SLC24A3: variants seen among roughly 807,000 people sequenced by gnomAD.
The protein encoded by SLC24A3 is solute carrier family 24 member 3.
In SLC24A3, 28 loss-of-function variants were observed where a neutral mutation model predicts 75.8. That is an observed-to-expected ratio of 0.37 (90% confidence interval 0.27 to 0.51). The LOEUF is 0.51. Among genes scored for constraint, SLC24A3 ranks in the 20% least tolerant of loss-of-function variants. The pLI is 0.94. For synonymous variants in SLC24A3, 372 were observed against 334.1 expected (o/e 1.11, Z -1.24); for missense variants, 663 against 847.8 (o/e 0.78, Z 2.71).
At chr20:19,346,063 CTATATATATATATATATATATATATA>C (rs763603062) in intron 2 of SLC24A3, among the ~76,000 whole-genome samples, 524 of 21,256 alleles carry the variant, frequency 0.025, 54 homozygotes, top group African/African-American at 0.062. Flanking sequence ...ATAAAGAAAA[CTATATATATATATATATATATATATA>C]TATATATATA....
chr20:19,514,161 C>T (rs139030716), intron 2 of SLC24A3, among the ~76,000 whole-genome samples: 2 of 152,284 alleles, frequency 1.3e-5, no homozygotes, highest in East Asian at 3.9e-4. Flanking sequence ...GTGTCTTGCA[C>T]AAATCCTCCG....
chr20:19,435,347 A>T (rs1355943159), intron 2 of SLC24A3, among the ~76,000 whole-genome samples: 1 of 152,236 alleles, frequency 6.6e-6, no homozygotes, highest in Non-Finnish European at 1.5e-5. Flanking sequence ...ACTTATCTTC[A>T]GTATATGTTT....
intron 9 of SLC24A3, among the ~76,000 whole-genome samples, chr20:19,677,787 G>T (rs1421138057): frequency 1.3e-5 from 2 of 151,268 alleles, no homozygotes; most frequent in African/African-American, 4.9e-5. Flanking sequence ...GACAATAGTG[G>T]AGGGAAGGTC....
At chr20:19,377,902 G>A (rs1228131784) in intron 2 of SLC24A3, among the ~76,000 whole-genome samples, 1 of 152,182 alleles carries the variant, frequency 6.6e-6, no homozygotes, top group African/African-American at 2.4e-5. Context: ...ATTTTTGTAA[G>A]TAAAGTTGTA....
At chr20:19,496,386 A>G (rs1456255005) in intron 2 of SLC24A3, among the ~76,000 whole-genome samples, 1 of 152,192 alleles carries the variant, frequency 6.6e-6, no homozygotes, top group Non-Finnish European at 1.5e-5. Flanking sequence ...ACCCTGTCAC[A>G]TTAAAGGAGC....
At chr20:19,468,982 A>G (rs1056062068) in intron 2 of SLC24A3, among the ~76,000 whole-genome samples, 1 of 152,194 alleles carries the variant, frequency 6.6e-6, no homozygotes, top group Non-Finnish European at 1.5e-5. Context: ...GCCTGGACAG[A>G]TGCAGGAGTT....
intron 2 of SLC24A3, among the ~76,000 whole-genome samples, chr20:19,396,532 A>G (rs1031916838): frequency 6.6e-6 from 1 of 152,224 alleles, no homozygotes; most frequent in Admixed American, 6.5e-5. Flanking sequence ...TGAATGCTCA[A>G]TAGCCACGTT....
intron 6 of SLC24A3, among the ~76,000 whole-genome samples, chr20:19,638,564 T>C (rs1425100533): frequency 6.6e-6 from 1 of 152,214 alleles, no homozygotes; most frequent in Non-Finnish European, 1.5e-5. Flanking sequence ...TCACTTATCA[T>C]ACAGACTTTA....
intron 6 of SLC24A3, among the ~76,000 whole-genome samples, chr20:19,621,745 G>A (rs1278450053): frequency 6.6e-6 from 1 of 152,150 alleles, no homozygotes; most frequent in Non-Finnish European, 1.5e-5. Context: ...GCTGTACCCA[G>A]AACCACATGA....
At chr20:19,219,370 G>A (rs949575138) in intron 1 of SLC24A3, among the ~76,000 whole-genome samples, 35 of 152,256 alleles carry the variant, frequency 2.3e-4, no homozygotes, top group Non-Finnish European at 4.3e-4. Context: ...TAAGACACGG[G>A]GACCTTCACC....
chr20:19,418,297 C>T (rs2122431558), intron 2 of SLC24A3, among the ~76,000 whole-genome samples: 1 of 152,244 alleles, frequency 6.6e-6, no homozygotes, highest in South Asian at 2.1e-4. Flanking sequence ...GGAACAAGAA[C>T]AGCATGCTGT....
chr20:19,494,061 G>C (rs532831166), intron 2 of SLC24A3, among the ~76,000 whole-genome samples: 65 of 152,348 alleles, frequency 4.3e-4, no homozygotes, highest in Non-Finnish European at 7.5e-4. Flanking sequence ...CTGCATGGAG[G>C]GGGAGAGGGT....
chr20:19,681,760 A>G (rs2032618017), intron 9 of SLC24A3, 98 bp from the exon 10 acceptor site: 14 of 1,589,756 alleles, frequency 8.8e-6, no homozygotes, highest in Middle Eastern at 3.3e-4. Flanking sequence ...GTGACTGTGC[A>G]TGCAGACTGG....
intron 9 of SLC24A3, among the ~76,000 whole-genome samples, chr20:19,675,070 G>A (rs2032508379): frequency 6.6e-6 from 1 of 152,078 alleles, no homozygotes; most frequent in South Asian, 2.1e-4. Flanking sequence ...AAATAAATAA[G>A]AATTGTATGA....
At chr20:19,698,832 C>A in intron 15 of SLC24A3, 152 bp downstream of exon 15, 1 of 661,584 alleles carries the variant, frequency 1.5e-6, no homozygotes, top group Non-Finnish European at 2.6e-6. Flanking sequence ...AAAGGCCTTA[C>A]TAGTCAGGCT....
chr20:19,592,282 C>G (rs1376229332), intron 6 of SLC24A3, among the ~76,000 whole-genome samples: 1 of 152,068 alleles, frequency 6.6e-6, no homozygotes, highest in East Asian at 1.9e-4. Context: ...AAATCATTGC[C>G]CATTTGTTAG....
intron 1 of SLC24A3, among the ~76,000 whole-genome samples, chr20:19,239,458 G>A (rs1982271207): frequency 1.3e-5 from 2 of 152,212 alleles, no homozygotes; most frequent in Non-Finnish European, 2.9e-5. Context: ...CTGAGGACCT[G>A]CACGGGCAAC....
At chr20:19,469,619 G>T (rs940779993) in intron 2 of SLC24A3, among the ~76,000 whole-genome samples, 24 of 152,178 alleles carry the variant, frequency 1.6e-4, no homozygotes, top group African/African-American at 5.5e-4. Flanking sequence ...AGCTCTGCCA[G>T]TACATTCCTG....
At chr20:19,342,395 G>C (rs764651500) in intron 2 of SLC24A3, among the ~76,000 whole-genome samples, 6 of 152,182 alleles carry the variant, frequency 3.9e-5, no homozygotes, top group Non-Finnish European at 8.8e-5. Context: ...CAAAAATCAG[G>C]TCCTAGGCAT....
Sources: gnomAD v4.1 joint callset for allele counts (sites outside exome capture counted in the v4.1 genomes callset) on GRCh38, gnomAD v4.1.1 for gene constraint, MANE v1.5 for transcripts, NCBI Gene and HGNC (gene_info 2026-07-23, HGNC 2026-07-21) for gene names.